The following VWA8 variants were observed in gnomAD, a reference collection of about 807,000 sequenced individuals.
VWA8 encodes von Willebrand factor A domain containing 8.
A neutral mutation model predicts 241.5 loss-of-function variants in VWA8; 221 were observed. The observed-to-expected ratio is 0.91, with a 90% CI of 0.82 to 1.02. VWA8 has a LOEUF of 1.02. VWA8 is among the 50% of genes least tolerant of loss of function. The pLI is 0.00. For synonymous variants in VWA8, 852 were observed against 827.1 expected (o/e 1.03, Z -0.52); for missense variants, 2,322 against 2,328.7 (o/e 1.00, Z 0.06).
At chr13:41,605,523 G>T (rs1348374263) in intron 39 of VWA8, among the ~76,000 whole-genome samples, 2 of 152,124 alleles carry the variant, frequency 1.3e-5, no homozygotes, top group Non-Finnish European at 2.9e-5. Flanking sequence ...AGTGTTTGCT[G>T]ATTTCCATGA....
intron 43 of VWA8, 35 bp downstream of exon 43, chr13:41,575,705 G>A (rs757765330): frequency 2.7e-5 from 41 of 1,494,084 alleles, no homozygotes; most frequent in Non-Finnish European, 3.4e-5. Context: ...CCTGATAGAA[G>A]CTTTCATAAT....
intron 42 of VWA8, among the ~76,000 whole-genome samples, chr13:41,580,812 T>C (rs2044377388): frequency 6.6e-6 from 1 of 152,286 alleles, no homozygotes; most frequent in Admixed American, 6.5e-5. Context: ...TTTTCTCTTC[T>C]GTAAAACAAA....
intron 19 of VWA8, among the ~76,000 whole-genome samples, chr13:41,780,564 T>A (rs1868844682): frequency 6.6e-6 from 1 of 152,164 alleles, no homozygotes; most frequent in Non-Finnish European, 1.5e-5. Flanking sequence ...ATCAACTGCA[T>A]CTACCCTTTC....
chr13:41,896,483 C>T (rs1008431336), intron 4 of VWA8, among the ~76,000 whole-genome samples: 3 of 152,124 alleles, frequency 2.0e-5, no homozygotes, highest in Non-Finnish European at 4.4e-5. Context: ...GATATGACTA[C>T]ATTCAAATTG....
chr13:41,950,918 C>T (rs1416119776), intron 1 of VWA8, among the ~76,000 whole-genome samples: 1 of 151,732 alleles, frequency 6.6e-6, no homozygotes, highest in African/African-American at 2.4e-5. Context: ...ATCCGCCCAC[C>T]TCGGCCTCCC....
At chr13:41,836,513 A>AT (rs546725815) in intron 12 of VWA8, among the ~76,000 whole-genome samples, 3 of 150,092 alleles carry the variant, frequency 2.0e-5, no homozygotes, top group Non-Finnish European at 3.0e-5. Context: ...AACTGGTAAC[A>AT]TTTTTTTTTT....
In VWA8 at chr13:41,656,858, T is replaced by A. The variant is rs538222613; in HGVS notation, c.4611+14088A>T. 3.4e-4 allele frequency among the ~76,000 whole-genome samples: 52 copies of A among 152,078 alleles called. 1 individual carries two copies. In the South Asian group the frequency reaches 0.01, roughly 30 times the overall value. On this transcript the variant is annotated intron_variant, in intron 37 of 44. Transcript: ENST00000379310. ...TGTCAAAACCACTAAAAAATAAAAA[T>A]AAAAATAAAAATCACATGGTCATGC...
chr13:41,762,997 A>T (rs1310404778), intron 20 of VWA8, among the ~76,000 whole-genome samples: 16 of 152,072 alleles, frequency 1.1e-4, no homozygotes, highest in Non-Finnish European at 1.5e-5. Context: ...GGCCAGGCGC[A>T]TGACTCACAC....
chr13:41,692,786 G>C, intron 30 of VWA8, 76 bp downstream of exon 30: 1 of 1,149,888 alleles, frequency 8.7e-7, no homozygotes, highest in Non-Finnish European at 1.3e-6. Flanking sequence ...TAAAGGGATG[G>C]GCATGCATGC....
At chr13:41,662,223 T>G (rs541477980) in intron 37 of VWA8, among the ~76,000 whole-genome samples, 8 of 152,168 alleles carry the variant, frequency 5.3e-5, no homozygotes, top group Non-Finnish European at 8.8e-5. Flanking sequence ...GTAGGCCAAT[T>G]TGGAGAGAAC....
At chr13:41,905,115 T>C (rs1875646211) in intron 4 of VWA8, 1 of 152,136 alleles carries the variant, frequency 6.6e-6, no homozygotes, top group Non-Finnish European at 1.5e-5. Flanking sequence ...CAAAAGGCAC[T>C]TAGTGCTTGC....
intron 4 of VWA8, chr13:41,905,158 A>G (rs1305287110): frequency 1.3e-5 from 2 of 152,150 alleles, no homozygotes; most frequent in Non-Finnish European, 2.9e-5. Flanking sequence ...TTGGAATGAT[A>G]CAAAGAAGAT....
At chr13:41,685,326 T>C (rs550538690) in intron 34 of VWA8, 84 bp from the exon 35 acceptor site, 1 of 1,265,062 alleles carries the variant, frequency 7.9e-7, no homozygotes, top group African/African-American at 1.5e-5. Context: ...TTTAAGCAGA[T>C]ACTAGTGGGA....
At chr13:41,717,348 A>G (rs1200141606) in intron 26 of VWA8, among the ~76,000 whole-genome samples, 1 of 151,890 alleles carries the variant, frequency 6.6e-6, no homozygotes, top group African/African-American at 2.4e-5. Context: ...TCAAATAGAT[A>G]TGCTATGTAT....
intron 21 of VWA8, among the ~76,000 whole-genome samples, chr13:41,742,438 G>C (rs2045576068): frequency 6.6e-6 from 1 of 152,134 alleles, no homozygotes; most frequent in Non-Finnish European, 1.5e-5. Flanking sequence ...AAAAATGACA[G>C]GTACAATACC....
intron 17 of VWA8, among the ~76,000 whole-genome samples, chr13:41,796,548 C>CCAAGAGAGGCTTTATCT (rs1287688162): frequency 6.6e-5 from 10 of 152,014 alleles, no homozygotes; most frequent in Non-Finnish European, 1.0e-4. Context: ...CTCTCTTTTA[C>CCAAGAGAGGCTTTATCT]ACTAATTAAA....
At chr13:41,682,932 T>C (rs1402230188) in intron 35 of VWA8, among the ~76,000 whole-genome samples, 1 of 152,126 alleles carries the variant, frequency 6.6e-6, no homozygotes, top group Non-Finnish European at 1.5e-5. Context: ...CTACACTCAC[T>C]AGAATGGTGA....
At chr13:41,838,832 T>A (rs532730972) in intron 12 of VWA8, among the ~76,000 whole-genome samples, 1 of 152,320 alleles carries the variant, frequency 6.6e-6, no homozygotes, top group African/African-American at 2.4e-5. Flanking sequence ...GAACTCATCC[T>A]TTCTTATGGC....
At chr13:41,936,394 A>T (rs1308396092) in intron 2 of VWA8, among the ~76,000 whole-genome samples, 1 of 152,134 alleles carries the variant, frequency 6.6e-6, no homozygotes, top group Admixed American at 6.5e-5. Flanking sequence ...GGTTTTTCTC[A>T]TCAATTTACA....
Sources: gnomAD v4.1 joint callset for allele counts (sites outside exome capture counted in the v4.1 genomes callset) on GRCh38, gnomAD v4.1.1 for gene constraint, MANE v1.5 for transcripts, NCBI Gene and HGNC (gene_info 2026-07-23, HGNC 2026-07-21) for gene names.